Variants in KCND2 observed in about 807,000 individuals in gnomAD.
KCND2 encodes A-type voltage-gated potassium channel KCND2.
In KCND2, 16 loss-of-function variants were observed where a neutral mutation model predicts 54.4. That is an observed-to-expected ratio of 0.29 (90% CI 0.20 to 0.45). The LOEUF is 0.45. Among genes scored for constraint, KCND2 ranks in the 20% least tolerant of loss-of-function variants. KCND2 has a pLI of 1.00. For missense variants in KCND2, 486 were observed against 824.2 expected, an observed-to-expected ratio of 0.59 and a Z score of 5.02; for synonymous variants, 317 against 310.7, an observed-to-expected ratio of 1.02 and a Z score of -0.21.
chr7:120,464,364 G>C (rs1802336354), intron 1 of KCND2, among the ~76,000 whole-genome samples: 1 of 151,828 alleles, frequency 6.6e-6, no homozygotes, highest in Non-Finnish European at 1.5e-5. Context: ...CTGTCTTTGG[G>C]GGCTTAAAAG....
intron 1 of KCND2, among the ~76,000 whole-genome samples, chr7:120,516,224 T>A (rs901440300): frequency 3.3e-5 from 5 of 152,280 alleles, no homozygotes; most frequent in African/African-American, 9.6e-5. Flanking sequence ...GAAAATTAGT[T>A]TTATTCTTTT....
intron 1 of KCND2, among the ~76,000 whole-genome samples, chr7:120,547,022 A>G (rs1792050002): frequency 6.6e-6 from 1 of 151,974 alleles, no homozygotes; most frequent in Non-Finnish European, 1.5e-5. Context: ...AAATGTTAAC[A>G]GCTGTCTTAC....
intron 1 of KCND2, among the ~76,000 whole-genome samples, chr7:120,523,523 G>T (rs1297200948): frequency 6.7e-6 from 1 of 148,874 alleles, no homozygotes; most frequent in Non-Finnish European, 1.5e-5. Flanking sequence ...TTAACATTTT[G>T]AAACAACTCA....
chr7:120,723,101 C>T lies in KCND2; in HGVS notation c.1116-9802C>T, dbSNP rs557123816. Among the ~76,000 whole-genome samples, 6 of 152,042 alleles carry T rather than the reference C, an allele frequency of 3.9e-5. No individual in the cohort carries two copies. In the South Asian group the frequency reaches 8.3e-4, roughly 21 times the overall value. ...GCCAGGAAGAGATGGAAGCAATGGCCGCAGGTAACTAAAGAAAGCCCCCAG... is the reference window on the plus strand; with the variant it reads ...GCCAGGAAGAGATGGAAGCAATGGCTGCAGGTAACTAAAGAAAGCCCCCAG... On this transcript the variant is annotated intron_variant, in intron 1 of 5. Coordinates refer to ENST00000331113, the MANE Select transcript of KCND2 (RefSeq NM_012281.3).
Position 120,312,961 on chromosome 7 carries a change from G to A in KCND2, c.1115+37214G>A, listed in dbSNP as rs148107390. Among the ~76,000 whole-genome samples, 198 of 152,278 alleles carry A rather than the reference G, an allele frequency of 1.3e-3. 1 individual carries two copies. The highest frequency in any genetic ancestry group is 1.8e-3 in the Non-Finnish European group (124 of 68,016). On this transcript the variant is annotated intron_variant, in intron 1 of 5. Transcript: ENST00000331113. Reference sequence around the variant, plus strand: ...GCAGATCTGACTTCTAGCTCTGACAGCATTACCCATTCTAGAAGCATCTCT... The same window carrying A: ...GCAGATCTGACTTCTAGCTCTGACAACATTACCCATTCTAGAAGCATCTCT...
At chr7:120,705,392 G>A (rs980797371) in intron 1 of KCND2, among the ~76,000 whole-genome samples, 9 of 152,140 alleles carry the variant, frequency 5.9e-5, no homozygotes, top group Admixed American at 3.3e-4. Flanking sequence ...AGGCAACATG[G>A]TAAAAGGAAA....
At chr7:120,578,034 GAGAAGAAGGAGA>G (rs993971046) in intron 1 of KCND2, among the ~76,000 whole-genome samples, 7 of 34,660 alleles carry the variant, frequency 2.0e-4, no homozygotes, top group African/African-American at 3.5e-4. Context: ...AACGAAGAAG[GAGAAGAAGGAGA>G]AGAAGAAGAA....
In KCND2 at chr7:120,496,719, C is replaced by T. The variant is rs550915787; in HGVS notation, c.1115+220972C>T. On this transcript the variant is annotated intron_variant, in intron 1 of 5. Coordinates refer to ENST00000331113, the MANE Select transcript of KCND2 (RefSeq NM_012281.3). The stretch of plus-strand genomic sequence containing the variant: ...GATTACAGGCGTGAGCCACCGTGCC[C>T]GGCCTTCTTAAAGCTTTTCTTAATT... Among the ~76,000 whole-genome samples, 227 of 152,206 alleles carry T rather than the reference C, an allele frequency of 1.5e-3. 1 individual carries two copies. Among genetic ancestry groups the T allele is most frequent in the African/African-American group, 5.2e-3 (217 of 41,568 alleles).
intron 1 of KCND2, among the ~76,000 whole-genome samples, chr7:120,717,470 G>A (rs1358413717): frequency 1.3e-5 from 2 of 152,098 alleles, no homozygotes; most frequent in Non-Finnish European, 2.9e-5. Flanking sequence ...AACCACAGTT[G>A]ACATTGAGTA....
At chr7:120,733,831 A>G (rs1433560401) in intron 2 of KCND2, among the ~76,000 whole-genome samples, 1 of 152,136 alleles carries the variant, frequency 6.6e-6, no homozygotes, top group African/African-American at 2.4e-5. Context: ...AAAATAATAA[A>G]TAATAAGATT....
chr7:120,384,176 T>C (rs1800955102), intron 1 of KCND2, among the ~76,000 whole-genome samples: 1 of 152,100 alleles, frequency 6.6e-6, no homozygotes, highest in African/African-American at 2.4e-5. Context: ...TATTTGTATT[T>C]TTATTGCTAT....
At chr7:120,458,175 T>C (rs961403288) in intron 1 of KCND2, among the ~76,000 whole-genome samples, 1 of 152,150 alleles carries the variant, frequency 6.6e-6, no homozygotes, top group African/African-American at 2.4e-5. Context: ...ACTAATTTCA[T>C]AAAGAATGTG....
At chr7:120,384,305 CATAACTTATTAGTTATACAT>C (rs1554433786) in intron 1 of KCND2, among the ~76,000 whole-genome samples, 3 of 152,032 alleles carry the variant, frequency 2.0e-5, no homozygotes, top group Non-Finnish European at 4.4e-5. Flanking sequence ...AAGTTATACA[CATAACTTATTAGTTATACAT>C]CCATTGTAAC....
intron 1 of KCND2, among the ~76,000 whole-genome samples, chr7:120,650,340 T>C (rs1172349165): frequency 7.0e-6 from 1 of 143,124 alleles, no homozygotes; most frequent in Non-Finnish European, 1.5e-5. Flanking sequence ...TCTCTAAACT[T>C]CTGTTCTCGC....
intron 1 of KCND2, among the ~76,000 whole-genome samples, chr7:120,538,658 T>G (rs527266407): frequency 2.6e-5 from 4 of 152,152 alleles, no homozygotes; most frequent in Non-Finnish European, 4.4e-5. Context: ...CTTCCCCATG[T>G]TTTATACAGA....
intron 1 of KCND2, among the ~76,000 whole-genome samples, chr7:120,464,638 A>G (rs1309330486): frequency 6.6e-6 from 1 of 152,206 alleles, no homozygotes; most frequent in Non-Finnish European, 1.5e-5. Flanking sequence ...ATTTTGGCTA[A>G]GTTCAGCTCA....
chr7:120,451,198 C>G (rs951474303), intron 1 of KCND2, among the ~76,000 whole-genome samples: 1 of 152,024 alleles, frequency 6.6e-6, no homozygotes, highest in Non-Finnish European at 1.5e-5. Flanking sequence ...GTTATATGGC[C>G]CCTGAGTCTG....
intron 1 of KCND2, among the ~76,000 whole-genome samples, chr7:120,568,190 AT>A (rs1231351765): frequency 1.3e-5 from 2 of 152,162 alleles, no homozygotes; most frequent in South Asian, 4.1e-4. Flanking sequence ...GAAGATTAAT[AT>A]TGTAGTAAAT....
chr7:120,509,943 G>A (rs28502218), intron 1 of KCND2, among the ~76,000 whole-genome samples: 3,995 of 152,074 alleles, frequency 0.026, 171 homozygotes, highest in African/African-American at 0.091. Flanking sequence ...TGGAATAGCC[G>A]TTGTGCAAAT....
Sources: allele counts gnomAD v4.1 joint callset (sites outside exome capture counted in the v4.1 genomes callset), GRCh38; gene constraint gnomAD v4.1.1; transcripts MANE v1.5; gene names NCBI Gene and HGNC (gene_info 2026-07-23, HGNC 2026-07-21).